DDR1: variants seen among roughly 807,000 people sequenced by gnomAD.
DDR1 encodes the protein discoidin domain receptor tyrosine kinase 1.
Under a neutral mutation model 97.4 loss-of-function variants are expected in DDR1, and 64 were observed. The ratio of observed to expected loss-of-function variants is 0.66; its 90% CI spans 0.54 to 0.81. The LOEUF is 0.81. Ranked by LOEUF, DDR1 falls within the 30% of genes least tolerant of loss-of-function variation. The pLI is 0.00. For synonymous variants in DDR1, 458 were observed against 503.7 expected (o/e 0.91, Z 1.21); for missense variants, 990 against 1,259.6 (o/e 0.79, Z 3.24).
In DDR1 at chr6:30,894,448, G is replaced by C. The variant is rs1789913116; in HGVS notation, c.1348-58G>C. On this transcript the variant is annotated intron_variant, in intron 10 of 17. Transcript: ENST00000376568. The surrounding 1 kb of genome is among the most constrained non-coding windows in gnomAD (Gnocchi z 5.7). The stretch of plus-strand genomic sequence containing the variant: ...AGGGAACGCAGGGATGGACACAGCA[G>C]AGGGCCAGGCCGTGTGTGCTGAGCA... 7 of 1,511,814 alleles carry C rather than the reference G, an allele frequency of 4.6e-6. No individual in the cohort carries two copies. The South Asian group carries it at 7.8e-5, about 17-fold the overall frequency. The allele number at this position is 1,511,814 out of a possible 1,614,324, so 93.6% of individuals were successfully genotyped here. A position where few individuals can be genotyped will look rare whatever the true frequency, so the allele number is the denominator to read the frequency against.
At chr6:30,896,304 ATTC>A (rs1457284877) in intron 12 of DDR1, among the ~76,000 whole-genome samples, 3 of 151,812 alleles carry the variant, frequency 2.0e-5, no homozygotes, top group African/African-American at 7.2e-5. Flanking sequence ...CTGGGGAGGA[ATTC>A]TTCTTCCAGC....
intron 11 of DDR1, 43 bp from the exon 12 acceptor site, chr6:30,895,361 T>C: frequency 6.7e-7 from 1 of 1,481,770 alleles, no homozygotes; most frequent in Non-Finnish European, 9.3e-7. Context: ...TAGCCTTGAG[T>C]CTCATCCCTT....
chr6:30,896,744 G>A lies in DDR1; in HGVS notation c.1748G>A (p.Gly583Asp), dbSNP rs1790948980. ...GTTACCCTGCAGGGCGTCACCGGGGGCAACACCTATGCTGTGCCTGCACTG... is the reference window on the plus strand; with the variant it reads ...GTTACCCTGCAGGGCGTCACCGGGGACAACACCTATGCTGTGCCTGCACTG... ...DIVTLQGVTG[G>D]NTYAVPALPP... The change falls in exon 13 of 18, where the codon GGC (glycine) becomes GAC (aspartate). Residue 583 changes from glycine (G) to aspartate (D), a missense_variant. By Grantham distance (94) the Gly-to-Asp change is moderately conservative. Transcript: ENST00000376568. 6.3e-7 allele frequency: 1 copy of A among 1,595,654 alleles called. No homozygotes were observed. The highest frequency in any genetic ancestry group is 8.5e-7 in the Non-Finnish European group (1 of 1,170,190).
intron 1 of DDR1, chr6:30,885,646 C>A: frequency 7.4e-7 from 1 of 1,344,428 alleles, no homozygotes. Flanking sequence ...TGGCTATTCA[C>A]TGAGCGATGG....
chr6:30,891,502 A>T lies in DDR1; in HGVS notation c.665+23A>T. ...CGGGTAAGAAAGGCCCCTGCAGGAT[A>T]TGGAGTTTGGGGTGGGAGGGAGGAC... On this transcript the variant is annotated intron_variant, in intron 6 of 17. Transcript: ENST00000376568. The surrounding 1 kb of genome is among the most constrained non-coding windows in gnomAD (Gnocchi z 5.3). 6.6e-7 allele frequency: 1 copy of T among 1,523,184 alleles called. No homozygotes were observed. Among genetic ancestry groups the T allele is most frequent in the Non-Finnish European group, 9.0e-7 (1 of 1,112,442 alleles). The allele number at this position is 1,523,184 out of a possible 1,614,324, so 94.4% of individuals were successfully genotyped here. A position where few individuals can be genotyped will look rare whatever the true frequency, so the allele number is the denominator to read the frequency against.
In DDR1 at chr6:30,894,601, A is replaced by G. The variant is rs547439435; in HGVS notation, c.1443A>G (p.Pro481=). The change falls in exon 11 of 18, where the codon CCA becomes CCG. Residue 481 remains proline, a synonymous_variant. Coordinates refer to ENST00000376568, the MANE Select transcript of DDR1 (RefSeq NM_001297654.2). This position sits in a 1 kb window ranked among gnomAD's most constrained non-coding sequence, Gnocchi z 5.7. The stretch of plus-strand genomic sequence containing the variant: ...ACAACCGCCCAGGTCCTAGAGAGCC[A>G]CCCCCGTACCAGGAGCCCCGGCCTC... ...LINNRPGPRE[P]PPYQEPRPRG... The G allele has an allele frequency of 4.3e-6, 7 of 1,612,890 alleles. No individual in the cohort carries two copies. The highest frequency in any genetic ancestry group is 2.2e-5 in the East Asian group (1 of 44,812).
rs577898422 is a variant in DDR1 at position 30,897,254 on chromosome 6, G to T, written c.1997+113G>T. 2 of 1,210,494 alleles carry T rather than the reference G, an allele frequency of 1.7e-6. No homozygotes were observed. The highest frequency in any genetic ancestry group is 1.3e-5 in the South Asian group (1 of 75,076). 75.0% of individuals were successfully genotyped at this position (1,210,494 alleles called of 1,614,324 possible). A position where few individuals can be genotyped will look rare whatever the true frequency, so the allele number is the denominator to read the frequency against. ...CAGAGGGGTGGCATCTCTGGGAGGGGATTTACATGTACGCTGGGGGTGGGG... is the reference window on the plus strand; with the variant it reads ...CAGAGGGGTGGCATCTCTGGGAGGGTATTTACATGTACGCTGGGGGTGGGG... On this transcript the variant is annotated intron_variant, in intron 14 of 17. Transcript: ENST00000376568. The surrounding 1 kb of genome is among the most constrained non-coding windows in gnomAD (Gnocchi z 5.2).
In DDR1 at chr6:30,892,474, G is replaced by A. The variant is rs1268571599; in HGVS notation, c.1031G>A (p.Arg344His). The change falls in exon 8 of 18, where the codon CGC (arginine) becomes CAC (histidine). Residue 344 changes from arginine to histidine, a missense_variant. Arg to His is a conservative substitution (Grantham distance 29, BLOSUM62 0). Coordinates refer to ENST00000376568, the MANE Select transcript of DDR1 (RefSeq NM_001297654.2). ...VSVPLGGRVA[R>H]FLQCRFLFAG... Reference sequence around the variant, plus strand: ...GTGCCCCTTGGCGGCCGTGTGGCTCGCTTTCTGCAGTGCCGCTTCCTCTTT... The same window carrying A: ...GTGCCCCTTGGCGGCCGTGTGGCTCACTTTCTGCAGTGCCGCTTCCTCTTT... The A allele has an allele frequency of 3.1e-6, 5 of 1,610,404 alleles. No individual in the cohort carries two copies. The highest frequency in any genetic ancestry group is 1.7e-5 in the Admixed American group (1 of 59,946).
rs1360867232 is a variant in DDR1, at chr6:30,890,503, T to G, written c.418-470T>G. On this transcript the variant is annotated intron_variant, in intron 4 of 17. Transcript: ENST00000376568. The surrounding 1 kb of genome is among the most constrained non-coding windows in gnomAD (Gnocchi z 5.0). ...CCTGCCTCTTGTTCTTCGCAGCTGT[T>G]TTCCCTGCTGGGATCTCAGTCCTAC... 6.3e-6 allele frequency: 1 copy of G among 158,768 alleles called. No individual in the cohort carries two copies. The highest frequency in any genetic ancestry group is 1.4e-5 in the Non-Finnish European group (1 of 72,910). The allele number at this position is 158,768 out of a possible 1,614,324, so 9.8% of individuals were successfully genotyped here.
chr6:30,898,912 G>T lies in DDR1; in HGVS notation c.2476G>T (p.Val826Leu), dbSNP rs771341445. ...GGGGAAGTTCACGACTGCGAGTGACGTGTGGGCCTTTGGTGTGACCCTGTG... is the reference window on the plus strand; with the variant it reads ...GGGGAAGTTCACGACTGCGAGTGACTTGTGGGCCTTTGGTGTGACCCTGTG... ...LMGKFTTASD[V>L]WAFGVTLWEV... Residue 826 changes from valine (V) to leucine (L), a missense_variant, in exon 17 of 18, where the codon GTG becomes TTG. Val to Leu is a conservative substitution (Grantham distance 32). Transcript: ENST00000376568. The T allele has an allele frequency of 3.1e-6, 5 of 1,611,970 alleles. No individual in the cohort carries two copies. Among genetic ancestry groups the T allele is most frequent in the East Asian group, 2.2e-5 (1 of 44,800 alleles).
chr6:30,896,816 G>A lies in DDR1; in HGVS notation c.1820G>A (p.Arg607Gln), dbSNP rs140296720. 4 of 1,591,126 alleles carry A rather than the reference G, an allele frequency of 2.5e-6. No homozygotes were observed. Among genetic ancestry groups the A allele is most frequent in the Non-Finnish European group, 2.6e-6 (3 of 1,167,004 alleles). Residue 607 changes from arginine (R) to glutamine (Q), a missense_variant, in exon 13 of 18, where the codon CGA (arginine) becomes CAA (glutamine). Transcript: ENST00000376568. Reference protein sequence around the residue: ...GDGPPRVDFPRSRLRFKEKLG... With the variant: ...GDGPPRVDFPQSRLRFKEKLG... ...GGGCCCCCCAGAGTGGATTTCCCTC[G>A]ATCTCGACTCCGCTTCAAGGAGAAG...
chr6:30,887,668 T>G (rs1786373840), intron 1 of DDR1, among the ~76,000 whole-genome samples: 1 of 152,236 alleles, frequency 6.6e-6, no homozygotes, highest in African/African-American at 2.4e-5. Context: ...TTTTTTTAAT[T>G]CCAGCCTGTC....
chr6:30,885,385 A>T (rs1293031441), intron 1 of DDR1: 1 of 994,124 alleles, frequency 1.0e-6, no homozygotes, highest in Non-Finnish European at 1.5e-6. Context: ...TGTGGTGGAG[A>T]CAGGTGAAAG....
upstream of DDR1, chr6:30,883,743 C>G (rs1043015310): frequency 6.6e-6 from 1 of 152,416 alleles, no homozygotes; most frequent in Non-Finnish European, 1.5e-5. The surrounding 1 kb of genome is among the most constrained non-coding windows in gnomAD (Gnocchi z 4.9). Flanking sequence ...GCCTGGGCGT[C>G]TGGACCCCCG....
chr6:30,899,397 C>G lies in DDR1; in HGVS notation c.*101C>G, dbSNP rs1792173691. 1 of 1,446,198 alleles carries G rather than the reference C, an allele frequency of 6.9e-7. No individual in the cohort carries two copies. Among genetic ancestry groups the G allele is most frequent in the Non-Finnish European group, 9.3e-7 (1 of 1,078,722 alleles). 89.6% of individuals were successfully genotyped at this position (1,446,198 alleles called of 1,614,324 possible). On this transcript the variant is annotated 3_prime_UTR_variant, in exon 18 of 18. Coordinates refer to ENST00000376568, the MANE Select transcript of DDR1 (RefSeq NM_001297654.2). ...GGCACCTCTGCCCTTCCCCTCCCGA[C>G]AGCCCATCACCTCTAATAGAGGCAG... is the stretch of plus-strand genomic sequence containing the variant.
rs574078002 is a variant in DDR1 at position 30,884,935 on chromosome 6, A to G, written c.-43+225A>G. ...GGAGGTGAAGCCCGTGACCTCCCAG[A>G]AAGAGTTTTGAGCCTCCAGCCTTGA... On this transcript the variant is annotated intron_variant, in intron 1 of 17. Transcript: ENST00000376568. This position sits in a 1 kb window ranked among gnomAD's most constrained non-coding sequence, Gnocchi z 6.1. The G allele has an allele frequency of 1.5e-4, 64 of 438,742 alleles. No individual in the cohort carries two copies. The South Asian group carries it at 4.1e-3, about 28-fold the overall frequency. The allele number at this position is 438,742 out of a possible 1,614,324, so 27.2% of individuals were successfully genotyped here.
In DDR1 at chr6:30,888,356, G is replaced by A. The variant is rs1786670446; in HGVS notation, c.-42-332G>A. The stretch of plus-strand genomic sequence containing the variant: ...GTTTGTTCTAAGCCGTTGTTTATGG[G>A]GATATTTTGCCCATTCCTGATTGGA... On this transcript the variant is annotated intron_variant, in intron 1 of 17. Transcript: ENST00000376568. The surrounding 1 kb of genome is among the most constrained non-coding windows in gnomAD (Gnocchi z 4.2). The A allele has an allele frequency of 3.4e-6, 1 of 291,014 alleles. No homozygotes were observed. Among genetic ancestry groups the A allele is most frequent in the African/African-American group, 2.2e-5 (1 of 46,028 alleles). The allele number at this position is 291,014 out of a possible 1,614,324, so 18.0% of individuals were successfully genotyped here. A position where few individuals can be genotyped will look rare whatever the true frequency, so the allele number is the denominator to read the frequency against.
Position 30,886,136 on chromosome 6 carries a change from G to T in DDR1, c.-43+1426G>T, listed in dbSNP as rs963676038. Among the ~76,000 whole-genome samples, 1 of 152,096 alleles carries T rather than the reference G, an allele frequency of 6.6e-6. No homozygotes were observed. Among genetic ancestry groups the T allele is most frequent in the Non-Finnish European group, 1.5e-5 (1 of 68,004 alleles). On this transcript the variant is annotated intron_variant, in intron 1 of 17. Transcript: ENST00000376568. This position sits in a 1 kb window ranked among gnomAD's most constrained non-coding sequence, Gnocchi z 4.6. ...GCTTGGCTCTGTGCCCCGTGTTTCTGAGCCTGCTCTATTTACCTCTTGCAT... is the reference window on the plus strand; with the variant it reads ...GCTTGGCTCTGTGCCCCGTGTTTCTTAGCCTGCTCTATTTACCTCTTGCAT...
At position 30,886,649 on chromosome 6, in the gene DDR1, T is replaced by G. The variant is rs1223005869; in HGVS notation, c.-43+1939T>G. 1 of 152,234 alleles carries G rather than the reference T, an allele frequency of 6.6e-6. No homozygotes were observed. Among genetic ancestry groups the G allele is most frequent in the Non-Finnish European group, 1.5e-5 (1 of 68,058 alleles). The allele number at this position is 152,234 out of a possible 1,614,324, so 9.4% of individuals were successfully genotyped here. On this transcript the variant is annotated intron_variant, in intron 1 of 17. Coordinates refer to ENST00000376568, the MANE Select transcript of DDR1 (RefSeq NM_001297654.2). The surrounding 1 kb of genome is among the most constrained non-coding windows in gnomAD (Gnocchi z 4.6). ...GTCTCCAAGGCAACTCAGCCTTTCC[T>G]CAGTCCCTCAGAGGCAGCCACCTTC...
Sources: gnomAD v4.1 joint callset for allele counts (sites outside exome capture counted in the v4.1 genomes callset) on GRCh38, gnomAD v4.1.1 for gene constraint, Gnocchi (gnomAD v3.1) non-coding constraint, MANE v1.5 for transcripts, NCBI Gene and HGNC (gene_info 2026-07-23, HGNC 2026-07-21) for gene names.